Variants in SOX6 observed in about 807,000 individuals in gnomAD.
SOX6 encodes SRY-box transcription factor 6.
SOX6 carries 11 observed loss-of-function variants against 97.8 expected under a neutral mutation model. The ratio of observed to expected loss-of-function variants is 0.11; its 90% confidence interval spans 0.07 to 0.19. The LOEUF is 0.19. Among genes scored for constraint, SOX6 ranks in the 10% least tolerant of loss-of-function variants. The probability of loss-of-function intolerance (pLI) is 1.00; values close to 1 mark genes in which losing one functional copy is unlikely to be tolerated. For missense variants in SOX6, 810 were observed against 1,039.5 expected (o/e 0.78, Z 3.04); for synonymous variants, 360 against 371.4 (o/e 0.97, Z 0.35).
At chr11:16,142,365 C>G (rs1367083301) in intron 6 of SOX6, among the ~76,000 whole-genome samples, 1 of 152,132 alleles carries the variant, frequency 6.6e-6, no homozygotes, top group Non-Finnish European at 1.5e-5. Context: ...TCACCATCAT[C>G]AAAGACCAAA....
chr11:16,343,574 G>A (rs1009150965), intron 1 of SOX6, among the ~76,000 whole-genome samples: 1 of 151,904 alleles, frequency 6.6e-6, no homozygotes, highest in Non-Finnish European at 1.5e-5. Context: ...TATGAGTTGA[G>A]TTTAAAGGAT....
At chr11:16,689,238 A>C (rs576255848) in intron 3 of SOX6, among the ~76,000 whole-genome samples, 1 of 152,268 alleles carries the variant, frequency 6.6e-6, no homozygotes, top group Admixed American at 6.5e-5. Context: ...GTTCTCTAGA[A>C]AGAATTTTAA....
At chr11:16,052,406 G>C (rs1037177505) in intron 10 of SOX6, among the ~76,000 whole-genome samples, 3 of 151,990 alleles carry the variant, frequency 2.0e-5, no homozygotes, top group Non-Finnish European at 4.4e-5. Context: ...ATATAACTTT[G>C]GTCATTTTTA....
chr11:16,341,795 T>C (rs968578199), intron 1 of SOX6, among the ~76,000 whole-genome samples: 2 of 152,068 alleles, frequency 1.3e-5, no homozygotes, highest in Non-Finnish European at 2.9e-5. Flanking sequence ...CCTGACTTCT[T>C]TGTTTACACT....
At chr11:16,372,981 A>G (rs1254461034) in intron 1 of SOX6, among the ~76,000 whole-genome samples, 1 of 152,160 alleles carries the variant, frequency 6.6e-6, no homozygotes, top group Non-Finnish European at 1.5e-5. Context: ...CCATGCTCAT[A>G]CATATGATAT....
At chr11:16,091,819 T>C (rs556697527) in intron 9 of SOX6, among the ~76,000 whole-genome samples, 7 of 152,168 alleles carry the variant, frequency 4.6e-5, no homozygotes, top group Admixed American at 1.3e-4. Flanking sequence ...TATTGACATT[T>C]TTAATTTTCT....
chr11:16,113,876 A>G (rs989519769), intron 6 of SOX6, among the ~76,000 whole-genome samples: 1 of 152,202 alleles, frequency 6.6e-6, no homozygotes, highest in Non-Finnish European at 1.5e-5. Context: ...TATTTGAAAT[A>G]ATAATGTATG....
At chr11:15,986,539 C>T in intron 14 of SOX6, 119 bp from the exon 15 acceptor site, 1 of 877,976 alleles carries the variant, frequency 1.1e-6, no homozygotes, top group Non-Finnish European at 1.9e-6. Flanking sequence ...CTCCAATTCC[C>T]ACATACCACT....
intron 1 of SOX6, among the ~76,000 whole-genome samples, chr11:16,469,478 T>C (rs1860102986): frequency 6.6e-6 from 1 of 152,110 alleles, no homozygotes; most frequent in Admixed American, 6.5e-5. Context: ...CATCAAGCTA[T>C]TGTGAACCTA....
At chr11:16,122,583 A>G (rs1682142222) in intron 6 of SOX6, among the ~76,000 whole-genome samples, 2 of 152,028 alleles carry the variant, frequency 1.3e-5, no homozygotes, top group Non-Finnish European at 1.5e-5. Flanking sequence ...TCTGGCTTTC[A>G]CCTCTGAAGT....
chr11:16,191,767 C>T (rs925692547), intron 4 of SOX6, among the ~76,000 whole-genome samples: 1 of 152,324 alleles, frequency 6.6e-6, no homozygotes, highest in Admixed American at 6.5e-5. Flanking sequence ...TTTTATCCAA[C>T]ATCACACAGT....
chr11:16,149,917 A>T (rs558288607), intron 6 of SOX6, among the ~76,000 whole-genome samples: 2 of 152,220 alleles, frequency 1.3e-5, no homozygotes, highest in Non-Finnish European at 2.9e-5. Context: ...CTTTTAGTCA[A>T]CCAACTGGTT....
intron 12 of SOX6, among the ~76,000 whole-genome samples, chr11:16,039,604 G>A (rs1855604366): frequency 6.6e-6 from 1 of 152,010 alleles, no homozygotes; most frequent in Non-Finnish European, 1.5e-5. Flanking sequence ...ATACAATTTG[G>A]ATGCAAAAGC....
chr11:16,571,448 C>A (rs1297471891), intron 4 of SOX6, among the ~76,000 whole-genome samples: 1 of 152,122 alleles, frequency 6.6e-6, no homozygotes, highest in Non-Finnish European at 1.5e-5. Context: ...GAGACAGCAT[C>A]TCACTATGTT....
chr11:16,727,619 G>A (rs1383541559), intron 2 of SOX6, among the ~76,000 whole-genome samples: 1 of 150,096 alleles, frequency 6.7e-6, no homozygotes, highest in African/African-American at 2.5e-5. Flanking sequence ...TGTATTTTTA[G>A]TAGAGATGGG....
intron 4 of SOX6, among the ~76,000 whole-genome samples, chr11:16,552,868 T>C (rs540807978): frequency 4.6e-5 from 7 of 152,178 alleles, no homozygotes; most frequent in Non-Finnish European, 1.0e-4. Flanking sequence ...AAATATTACA[T>C]AAGTCTGACA....
intron 9 of SOX6, among the ~76,000 whole-genome samples, chr11:16,066,022 G>A (rs984037200): frequency 6.6e-6 from 1 of 152,042 alleles, no homozygotes; most frequent in Non-Finnish European, 1.5e-5. Context: ...CATCTGACAG[G>A]GGATTTATAA....
intron 4 of SOX6, among the ~76,000 whole-genome samples, chr11:16,558,431 T>C (rs1248524836): frequency 3.3e-5 from 5 of 152,030 alleles, no homozygotes; most frequent in African/African-American, 1.2e-4. Flanking sequence ...CAAGTCCTGC[T>C]GACCAGGGCC....
At chr11:16,592,352 C>T (rs1848163845) in intron 4 of SOX6, among the ~76,000 whole-genome samples, 1 of 149,750 alleles carries the variant, frequency 6.7e-6, no homozygotes, top group Non-Finnish European at 1.5e-5. Flanking sequence ...CCAAGTTATG[C>T]CCCTTTGACC....
Sources: gnomAD v4.1 joint callset for allele counts (sites outside exome capture counted in the v4.1 genomes callset) on GRCh38, gnomAD v4.1.1 for gene constraint, MANE v1.5 for transcripts, NCBI Gene and HGNC (gene_info 2026-07-23, HGNC 2026-07-21) for gene names.